Variants in C10orf90 observed in about 807,000 individuals in gnomAD.
The protein encoded by C10orf90 is (E2-independent) E3 ubiquitin-conjugating enzyme FATS.
Under a neutral mutation model 62.5 loss-of-function variants are expected in C10orf90, and 56 were observed. The observed-to-expected ratio is 0.90, with a 90% confidence interval of 0.72 to 1.12. The LOEUF (loss-of-function observed/expected upper bound fraction) is 1.12. Among genes scored for constraint, C10orf90 ranks in the 50% most tolerant of loss-of-function variants. C10orf90 has a pLI of 0.00. For missense variants in C10orf90, 970 were observed against 880.4 expected, an observed-to-expected ratio of 1.10 and a Z score of -1.29; for synonymous variants, 386 against 340.4, an observed-to-expected ratio of 1.13 and a Z score of -1.47.
intron 1 of C10orf90, among the ~76,000 whole-genome samples, chr10:126,666,854 C>T (rs1275502309): frequency 3.3e-5 from 5 of 151,560 alleles, no homozygotes; most frequent in Middle Eastern, 3.4e-3. Flanking sequence ...GTGGCGGGTG[C>T]TTGTAATCCC....
At chr10:126,426,198 G>T in intron 8 of C10orf90, 108 bp from the exon 9 acceptor site, 1 of 879,034 alleles carries the variant, frequency 1.1e-6, no homozygotes, top group Non-Finnish European at 1.8e-6. Context: ...AGAGAAGATC[G>T]CTGCTTATGG....
intron 2 of C10orf90, among the ~76,000 whole-genome samples, chr10:126,634,885 C>T (rs1328919990): frequency 6.6e-6 from 1 of 152,168 alleles, no homozygotes; most frequent in African/African-American, 2.4e-5. Context: ...TATCCTTTGA[C>T]ACAAAATTTT....
At position 126,533,001 on chromosome 10, in the gene C10orf90, C is replaced by A. The variant is rs1234242526; in HGVS notation, c.314-19062G>T. 4.6e-5 allele frequency among the ~76,000 whole-genome samples: 7 copies of A among 150,790 alleles called. No homozygotes were observed. The South Asian group carries it at 1.3e-3, about 27-fold the overall frequency. Reference sequence around the variant, plus strand: ...AGGCTGGAGTGCAGTGGCGCTATCTCGGCTCACTGCAAGCTCCACCTCCCG... The same window carrying A: ...AGGCTGGAGTGCAGTGGCGCTATCTAGGCTCACTGCAAGCTCCACCTCCCG... On this transcript the variant is annotated intron_variant, in intron 2 of 9. Transcript: ENST00000488181.
intron 2 of C10orf90, among the ~76,000 whole-genome samples, chr10:126,535,784 G>A (rs1452757662): frequency 6.6e-6 from 1 of 152,104 alleles, no homozygotes; most frequent in Non-Finnish European, 1.5e-5. Context: ...CCTCATTAGA[G>A]AGCACAGCAT....
chr10:126,564,832 C>CTCTATATATATAATA lies in C10orf90; in HGVS notation c.314-50894_314-50893insTATTATATATATAGA, dbSNP rs1554916909. On this transcript the variant is annotated intron_variant, in intron 2 of 9. Transcript: ENST00000488181. ...AGTTTAGGAATAAGACTCTCTCTCT[C>CTCTATATATATAATA]TATATATATATTATATATTATATAA... 3.5e-4 allele frequency among the ~76,000 whole-genome samples: 2 copies of CTCTATATATATAATA among 5,690 alleles called. 1 individual carries two copies. The highest frequency in any genetic ancestry group is 8.2e-4 in the Non-Finnish European group (2 of 2,440). 3.7% of individuals were successfully genotyped at this position (5,690 alleles called of 152,430 possible).
intron 2 of C10orf90, among the ~76,000 whole-genome samples, chr10:126,588,124 T>C (rs1195006875): frequency 6.6e-6 from 1 of 152,204 alleles, no homozygotes; most frequent in African/African-American, 2.4e-5. Context: ...TACTGCTATA[T>C]CTGTGGTTGC....
intron 2 of C10orf90, among the ~76,000 whole-genome samples, chr10:126,538,572 G>T (rs1376676444): frequency 1.3e-5 from 2 of 152,130 alleles, no homozygotes; most frequent in African/African-American, 4.8e-5. Flanking sequence ...CTAACACAAA[G>T]GTTTACCACT....
At chr10:126,431,439 C>T (rs1007754296) in intron 7 of C10orf90, among the ~76,000 whole-genome samples, 3 of 152,156 alleles carry the variant, frequency 2.0e-5, no homozygotes, top group Non-Finnish European at 4.4e-5. Context: ...TCCCAGTATC[C>T]AGCGGTCCCT....
chr10:126,656,218 C>T (rs1421471536), intron 1 of C10orf90, among the ~76,000 whole-genome samples: 1 of 152,164 alleles, frequency 6.6e-6, no homozygotes, highest in Non-Finnish European at 1.5e-5. Context: ...GAAGGTACTA[C>T]TGTAATCCCA....
Position 126,527,029 on chromosome 10 carries a change from T to C in C10orf90, c.314-13090A>G, listed in dbSNP as rs144058176. ...ATAATACTACTACTGTGAAAATTCATGCACAAGTTTTTGAGTGATATATGT... is the reference window on the plus strand; with the variant it reads ...ATAATACTACTACTGTGAAAATTCACGCACAAGTTTTTGAGTGATATATGT... On this transcript the variant is annotated intron_variant, in intron 2 of 9. Coordinates refer to ENST00000488181, the MANE Select transcript of C10orf90 (RefSeq NM_001350921.2). Among the ~76,000 whole-genome samples the C allele has an allele frequency of 5.7e-3, 870 of 152,320 alleles. 7 individuals carry two copies. Among genetic ancestry groups the C allele is most frequent in the African/African-American group, 0.02 (815 of 41,564 alleles).
chr10:126,599,207 C>T (rs868589634), intron 2 of C10orf90, among the ~76,000 whole-genome samples: 7 of 132,960 alleles, frequency 5.3e-5, no homozygotes, highest in Middle Eastern at 4.4e-3. Context: ...TTTTTTGAGA[C>T]GGAGTTTCGC....
At chr10:126,486,961 A>G (rs7084601) in intron 4 of C10orf90, among the ~76,000 whole-genome samples, 33,229 of 151,448 alleles carry the variant, frequency 0.22, 4,536 homozygotes, top group African/African-American at 0.4. Context: ...TGGCCAACAT[A>G]GTGAAACCCC....
At chr10:126,649,073 C>A (rs866656340) in intron 1 of C10orf90, among the ~76,000 whole-genome samples, 2 of 51,810 alleles carry the variant, frequency 3.9e-5, no homozygotes, top group African/African-American at 1.2e-4. Context: ...TCTCTCTCTC[C>A]CCCCCCCCCA....
intron 2 of C10orf90, among the ~76,000 whole-genome samples, chr10:126,639,631 A>C (rs867441394): frequency 6.6e-6 from 1 of 152,210 alleles, no homozygotes; most frequent in South Asian, 2.1e-4. Flanking sequence ...ATCTGGATGA[A>C]GTCTTGTTGC....
intron 2 of C10orf90, among the ~76,000 whole-genome samples, chr10:126,641,168 T>C (rs2133843659): frequency 6.6e-6 from 1 of 152,278 alleles, no homozygotes; most frequent in Non-Finnish European, 1.5e-5. Flanking sequence ...AAAATAAATG[T>C]AACTCGCACC....
intron 1 of C10orf90, among the ~76,000 whole-genome samples, chr10:126,651,998 T>A (rs1846300663): frequency 6.6e-6 from 1 of 152,148 alleles, no homozygotes; most frequent in South Asian, 2.1e-4. Flanking sequence ...CAGACTCTAG[T>A]GGGGATGGTA....
At chr10:126,598,577 C>T (rs570384710) in intron 2 of C10orf90, among the ~76,000 whole-genome samples, 1 of 152,262 alleles carries the variant, frequency 6.6e-6, no homozygotes, top group East Asian at 1.9e-4. Context: ...CTCTTCAGCT[C>T]TTACACATTT....
At chr10:126,538,056 A>G (rs181742538) in intron 2 of C10orf90, among the ~76,000 whole-genome samples, 27 of 152,310 alleles carry the variant, frequency 1.8e-4, no homozygotes, top group Admixed American at 5.2e-4. Flanking sequence ...TATATCTAAG[A>G]CTGGGTAATT....
At chr10:126,569,847 C>T (rs1326056335) in intron 2 of C10orf90, among the ~76,000 whole-genome samples, 2 of 151,912 alleles carry the variant, frequency 1.3e-5, no homozygotes, top group African/African-American at 4.8e-5. Flanking sequence ...TACAAGGGAC[C>T]CCAAAACTCC....
Sources: allele counts gnomAD v4.1 joint callset (sites outside exome capture counted in the v4.1 genomes callset), GRCh38; gene constraint gnomAD v4.1.1; transcripts MANE v1.5; gene names NCBI Gene and HGNC (gene_info 2026-07-23, HGNC 2026-07-21).